Variants in RGN observed in about 807,000 individuals in gnomAD.
The protein encoded by RGN is regucalcin, also known as epididymis secretory protein Li 41.
RGN carries 19 observed loss-of-function variants against 20.6 expected under a neutral mutation model. That is an observed-to-expected ratio of 0.92 (90% CI 0.64 to 1.35). RGN has a LOEUF of 1.35. RGN is among the 40% of genes most tolerant of loss of function. The probability of loss-of-function intolerance (pLI) is 0.00; values close to 1 mark genes in which losing one functional copy is unlikely to be tolerated. For missense variants in RGN, 302 were observed against 232.7 expected (o/e 1.30, Z -1.94); for synonymous variants, 85 against 87.2 (o/e 0.97, Z 0.14).
Position 47,092,186 on chromosome X carries a change from A to G in RGN, c.820A>G (p.Arg274Gly), listed in dbSNP as rs782557499. Residue 274 changes from arginine to glycine, a missense_variant, in exon 7 of 8, where the codon AGG (arginine) becomes GGG (glycine). Physicochemically the swap from Arg to Gly is moderately radical, Grantham distance 125 (BLOSUM62 -2). Coordinates refer to ENST00000397180, the MANE Select transcript of RGN (RefSeq NM_152869.4). ...TGGGATGGACCCCGAGGGTCTTTTG[A>G]GGCAACCTGAAGCTGGTGGAATTTT... ...RDGMDPEGLL[R>G]QPEAGGIFKI... 3 of 1,187,683 alleles carry G rather than the reference A, an allele frequency of 2.5e-6. No homozygotes were observed. Among genetic ancestry groups the G allele is most frequent in the South Asian group, 3.7e-5 (2 of 53,866 alleles).
Position 47,089,772 on chromosome X carries a change from G to C in RGN, c.347-4G>C, listed in dbSNP as rs1368842175. On this transcript the variant is annotated splice_polypyrimidine_tract_variant and splice_region_variant and intron_variant, in intron 4 of 7. Transcript: ENST00000397180. ...CAGAGCTCAGTGCTCTTTGGTTTTT[G>C]TAGGCACCATGGCTGAGGAAACAGC... 1.7e-6 allele frequency: 2 copies of C among 1,195,531 alleles called. No homozygotes were observed. The highest frequency in any genetic ancestry group is 3.6e-5 in the African/African-American group (2 of 55,220).
chrX:47,082,182 G>A (rs999085289), intron 3 of RGN, among the ~76,000 whole-genome samples: 1 of 111,179 alleles, frequency 9.0e-6, no homozygotes, highest in African/African-American at 3.3e-5. Context: ...CAAGGGAATA[G>A]GCTTAATGTA....
At position 47,080,459 on chromosome X, in the gene RGN, G is replaced by A. The variant is rs1373211236; in HGVS notation, c.-493G>A. On this transcript the variant is annotated 5_prime_UTR_variant, in exon 2 of 8. Coordinates refer to ENST00000397180, the MANE Select transcript of RGN (RefSeq NM_152869.4). ...TCCTGGGAAGCAAGAAATCACTGAG[G>A]GCCTGTCAGTTCCTGCCAGGGTGGT... 2.7e-5 allele frequency: 3 copies of A among 111,478 alleles called. No homozygotes were observed. The highest frequency in any genetic ancestry group is 5.6e-4 in the East Asian group (2 of 3,559). The allele number at this position is 111,478 out of a possible 1,213,427, so 9.2% of individuals were successfully genotyped here.
At chrX:47,086,734 G>GGAGAGAGAGAGAGAGAGAGAGAGAGAGA (rs781935920) in intron 4 of RGN, among the ~76,000 whole-genome samples, 3 of 50,501 alleles carry the variant, frequency 5.9e-5, no homozygotes, top group Non-Finnish European at 1.2e-4. Flanking sequence ...AGTGATAACA[G>GGAGAGAGAGAGAGAGAGAGAGAGAGAGA]GAGAGAGAGA....
chrX:47,081,266 G>A lies in RGN; in HGVS notation c.122G>A (p.Arg41Gln), dbSNP rs781932759. ...FVDIPAKKVC[R>Q]WDSFTKQVQR... ...GACATTCCTGCAAAAAAGGTTTGCC[G>A]GTGGGATTCATTCACCAAGCAAGTA... The change falls in exon 3 of 8, where the codon CGG becomes CAG. Residue 41 changes from arginine to glutamine, a missense_variant. By Grantham distance (43) the Arg-to-Gln change is conservative. Coordinates refer to ENST00000397180, the MANE Select transcript of RGN (RefSeq NM_152869.4). 1.2e-5 allele frequency: 14 copies of A among 1,208,616 alleles called. No individual in the cohort carries two copies. The East Asian group carries it at 1.2e-4, about 10-fold the overall frequency.
Position 47,081,192 on chromosome X carries a change from T to C in RGN, c.48T>C (p.Cys16=). ...GTGTTTTGCCAGAGAACTGCCGGTG[T>C]GGTGAGTCTCCAGTATGGGAGGAAG... ...IECVLPENCR[C]GESPVWEEVS... The change falls in exon 3 of 8, where the codon TGT becomes TGC. Residue 16 remains cysteine, a synonymous_variant. Transcript: ENST00000397180. 1 of 1,204,410 alleles carries C rather than the reference T, an allele frequency of 8.3e-7. No homozygotes were observed. Among genetic ancestry groups the C allele is most frequent in the Non-Finnish European group, 1.1e-6 (1 of 888,725 alleles).
chrX:47,092,221 A>G lies in RGN; in HGVS notation c.849+6A>G. 1 of 1,165,876 alleles carries G rather than the reference A, an allele frequency of 8.6e-7. No homozygotes were observed. The highest frequency in any genetic ancestry group is 1.1e-6 in the Non-Finnish European group (1 of 871,575). On this transcript the variant is annotated splice_donor_region_variant and intron_variant, in intron 7 of 7. Coordinates refer to ENST00000397180, the MANE Select transcript of RGN (RefSeq NM_152869.4). ...AAGCTGGTGGAATTTTCAAGGTGAT[A>G]TGGCTATTTCTTTTATTTTGGGGGT... is the stretch of plus-strand genomic sequence containing the variant.
In RGN at chrX:47,084,581, C is replaced by T. The variant is rs781784678; in HGVS notation, c.327C>T (p.Pro109=). 7.6e-6 allele frequency: 9 copies of T among 1,189,361 alleles called. No homozygotes were observed. Among genetic ancestry groups the T allele is most frequent in the African/African-American group, 5.3e-5 (3 of 56,899 alleles). Residue 109 remains proline (P), a synonymous_variant, in exon 4 of 8, where the codon CCC becomes CCT. Transcript: ENST00000397180. ...NNRFNDGKVD[P]AGRYFAGTMA... ...GCTTCAATGATGGGAAGGTGGATCCCGCCGGGAGGTACTTTGCTGGTAAGA... is the reference window on the plus strand; with the variant it reads ...GCTTCAATGATGGGAAGGTGGATCCTGCCGGGAGGTACTTTGCTGGTAAGA...
chrX:47,084,819 G>C, intron 4 of RGN: 1 of 355,808 alleles, frequency 2.8e-6, no homozygotes, highest in East Asian at 4.7e-5. Flanking sequence ...GCTGGGCCTG[G>C]TGGCATGCAT....
At chrX:47,078,853 G>C (rs781975538) in intron 1 of RGN, 144 bp downstream of exon 1, 1 of 110,128 alleles carries the variant, frequency 9.1e-6, no homozygotes, top group East Asian at 2.9e-4. Flanking sequence ...GGAGCATGGG[G>C]TTAAAAGTCG....
intron 3 of RGN, 108 bp downstream of exon 3, chrX:47,081,415 G>C: frequency 1.5e-6 from 1 of 674,652 alleles, no homozygotes; most frequent in Non-Finnish European, 2.3e-6. Flanking sequence ...TTGTCACGCT[G>C]TCTGTCCCCA....
Position 47,092,095 on chromosome X carries a change from T to A in RGN, c.729T>A (p.Asp243Glu). The change falls in exon 7 of 8, where the codon GAT (aspartate) becomes GAA (glutamate). Residue 243 changes from aspartate to glutamate, a missense_variant. Coordinates refer to ENST00000397180, the MANE Select transcript of RGN (RefSeq NM_152869.4). ...TTCAAACTGTGAAGTTGCCTGTTGA[T>A]AAAACAACTTCATGCTGCTTTGGAG... Reference protein sequence around the residue: ...KRLQTVKLPVDKTTSCCFGGK... With the variant: ...KRLQTVKLPVEKTTSCCFGGK... 1 of 1,207,263 alleles carries A rather than the reference T, an allele frequency of 8.3e-7. No individual in the cohort carries two copies. The highest frequency in any genetic ancestry group is 1.8e-5 in the South Asian group (1 of 56,699).
At chrX:47,089,458 A>C (rs1255720168) in intron 4 of RGN, among the ~76,000 whole-genome samples, 3 of 3,632 alleles carry the variant, frequency 8.3e-4, no homozygotes, top group Non-Finnish European at 1.1e-3. Flanking sequence ...ATAATATAAA[A>C]TTATATATAC....
intron 5 of RGN, 45 bp downstream of exon 5, chrX:47,090,036 T>C: frequency 9.9e-7 from 1 of 1,010,230 alleles, no homozygotes; most frequent in Non-Finnish European, 1.4e-6. Context: ...ACTATTGTTT[T>C]CATATGTTTG....
intron 2 of RGN, 80 bp downstream of exon 2, chrX:47,081,016 A>G: frequency 2.0e-6 from 1 of 507,511 alleles, no homozygotes. Context: ...GTCACATTGC[A>G]TATCCTGCTC....
intron 3 of RGN, among the ~76,000 whole-genome samples, chrX:47,083,687 G>C: frequency 8.9e-6 from 1 of 111,964 alleles, no homozygotes; most frequent in Non-Finnish European, 1.9e-5. Context: ...AAGGCGGGTG[G>C]ATCACCTGAG....
At chrX:47,086,573 G>C (rs62591336) in intron 4 of RGN, among the ~76,000 whole-genome samples, 3,843 of 109,689 alleles carry the variant, frequency 0.035, 68 homozygotes, top group Middle Eastern at 0.11. Context: ...CTTTCCACAG[G>C]GGCTGCAGCC....
intron 4 of RGN, among the ~76,000 whole-genome samples, chrX:47,086,781 G>A (rs1283571579): frequency 1.1e-5 from 1 of 91,183 alleles, no homozygotes; most frequent in Non-Finnish European, 2.1e-5. Context: ...GAGAGAGAGA[G>A]AGAAAGAGAG....
At chrX:47,081,909 A>C (rs1459056114) in intron 3 of RGN, among the ~76,000 whole-genome samples, 1 of 112,098 alleles carries the variant, frequency 8.9e-6, no homozygotes, top group Non-Finnish European at 1.9e-5. Context: ...ATACCTTCAG[A>C]TAACCATGGA....
Sources: allele counts gnomAD v4.1 joint callset (sites outside exome capture counted in the v4.1 genomes callset), GRCh38; gene constraint gnomAD v4.1.1; transcripts MANE v1.5; gene names NCBI Gene and HGNC (gene_info 2026-07-23, HGNC 2026-07-21).